Variants in LIN52 observed in about 807,000 individuals in gnomAD.
LIN52 encodes the protein lin-52 DREAM MuvB core complex component, also known as protein lin-52 homolog.
Under a neutral mutation model 18.5 loss-of-function variants are expected in LIN52, and 4 were observed. That is an observed-to-expected ratio of 0.22 (90% CI 0.11 to 0.49). The LOEUF is 0.49. Ranked by LOEUF, LIN52 falls within the 20% of genes least tolerant of loss-of-function variation. The probability of loss-of-function intolerance (pLI) is 0.97; values close to 1 mark genes in which losing one functional copy is unlikely to be tolerated. For missense variants in LIN52, 102 were observed against 139.5 expected (o/e 0.73, Z 1.35); for synonymous variants, 34 against 45.5 (o/e 0.75, Z 1.02).
chr14:74,161,217 C>T (rs1595179966), intron 5 of LIN52, among the ~76,000 whole-genome samples: 1 of 152,100 alleles, frequency 6.6e-6, no homozygotes, highest in South Asian at 2.1e-4. Context: ...GACAGAGTCT[C>T]ACTCTGTTGC....
intron 5 of LIN52, among the ~76,000 whole-genome samples, chr14:74,195,058 A>G (rs62006789): frequency 6.6e-6 from 1 of 151,956 alleles, no homozygotes; most frequent in African/African-American, 2.4e-5. Context: ...TGGCAGGAGA[A>G]TCACTTGAAC....
chr14:74,130,972 T>G (rs1022815735), intron 5 of LIN52, among the ~76,000 whole-genome samples: 1 of 151,864 alleles, frequency 6.6e-6, no homozygotes, highest in African/African-American at 2.4e-5. Flanking sequence ...TTTATTTATT[T>G]ATTGAGATAG....
intron 3 of LIN52, among the ~76,000 whole-genome samples, chr14:74,096,759 T>G (rs371827203): frequency 6.6e-6 from 1 of 152,154 alleles, no homozygotes; most frequent in Admixed American, 6.5e-5. Flanking sequence ...TAATTAAATA[T>G]AAAAAAAGAA....
chr14:74,099,350 C>T (rs1236007150), intron 4 of LIN52, among the ~76,000 whole-genome samples: 1 of 152,018 alleles, frequency 6.6e-6, no homozygotes, highest in Non-Finnish European at 1.5e-5. Context: ...ATGCAGATTC[C>T]CTCCTCCTGC....
intron 5 of LIN52, among the ~76,000 whole-genome samples, chr14:74,150,653 T>C (rs2139555105): frequency 6.6e-6 from 1 of 152,342 alleles, no homozygotes; most frequent in South Asian, 2.1e-4. Flanking sequence ...TCATATGTTA[T>C]ACTTTTTTAA....
intron 5 of LIN52, among the ~76,000 whole-genome samples, chr14:74,196,870 C>T (rs2078915653): frequency 6.6e-6 from 1 of 152,124 alleles, no homozygotes; most frequent in African/African-American, 2.4e-5. Flanking sequence ...GAGACTGAGG[C>T]TCAGAGATCT....
At chr14:74,111,866 A>AT (rs980182384) in intron 5 of LIN52, among the ~76,000 whole-genome samples, 4 of 148,016 alleles carry the variant, frequency 2.7e-5, no homozygotes, top group African/African-American at 9.9e-5. Context: ...ACTTGTTGTG[A>AT]TTTTTTTTCT....
intron 5 of LIN52, among the ~76,000 whole-genome samples, chr14:74,196,462 T>C (rs1448574590): frequency 6.6e-6 from 1 of 152,166 alleles, no homozygotes; most frequent in Non-Finnish European, 1.5e-5. Flanking sequence ...CTCTATTCTC[T>C]CCAGAAGACT....
intron 5 of LIN52, among the ~76,000 whole-genome samples, chr14:74,128,585 A>C (rs972915738): frequency 6.6e-6 from 1 of 152,188 alleles, no homozygotes; most frequent in Non-Finnish European, 1.5e-5. Context: ...AAACATACCA[A>C]ACTATACACT....
rs775121930 is a variant in LIN52, at chr14:74,091,199, G to C, written c.20-33G>C. ...TATCATATACATTAATGTGTTTCCT[G>C]TCTTCTTGGTTCATCTGGATGTTTT... is the stretch of plus-strand genomic sequence containing the variant. On this transcript the variant is annotated intron_variant, in intron 1 of 5. Coordinates refer to ENST00000555028, the MANE Select transcript of LIN52 (RefSeq NM_001024674.3). 8.0e-6 allele frequency: 12 copies of C among 1,505,196 alleles called. No individual in the cohort carries two copies. The Middle Eastern group carries it at 6.8e-4, about 85-fold the overall frequency. The allele number at this position is 1,505,196 out of a possible 1,614,324, so 93.2% of individuals were successfully genotyped here.
At chr14:74,180,231 C>G (rs1193014067) in intron 5 of LIN52, among the ~76,000 whole-genome samples, 1 of 150,820 alleles carries the variant, frequency 6.6e-6, no homozygotes, top group Non-Finnish European at 1.5e-5. Context: ...TCTTGGTGAG[C>G]AAACTTAAGC....
At chr14:74,190,328 C>T (rs2061358092) in intron 5 of LIN52, among the ~76,000 whole-genome samples, 1 of 141,072 alleles carries the variant, frequency 7.1e-6, no homozygotes, top group South Asian at 2.3e-4. Flanking sequence ...CCAGACTGTT[C>T]TTTTCTCAGG....
chr14:74,179,264 C>T (rs1321124249), intron 5 of LIN52, among the ~76,000 whole-genome samples: 1 of 152,030 alleles, frequency 6.6e-6, no homozygotes, highest in African/African-American at 2.4e-5. Context: ...AATTTATTGC[C>T]CAGGCTGTCT....
At chr14:74,108,266 A>G (rs952257489) in intron 5 of LIN52, among the ~76,000 whole-genome samples, 3 of 152,160 alleles carry the variant, frequency 2.0e-5, no homozygotes, top group African/African-American at 7.2e-5. Context: ...GTATTTATCT[A>G]CCTGGTGATG....
chr14:74,197,164 G>T (rs1348224153), intron 5 of LIN52, among the ~76,000 whole-genome samples: 1 of 152,172 alleles, frequency 6.6e-6, no homozygotes. Context: ...AGTCATATTT[G>T]TTAATGGAAA....
At chr14:74,110,842 T>C (rs1479820178) in intron 5 of LIN52, among the ~76,000 whole-genome samples, 2 of 148,952 alleles carry the variant, frequency 1.3e-5, no homozygotes, top group Non-Finnish European at 1.5e-5. Flanking sequence ...GGTGGGCACC[T>C]GTAGTCCCAG....
At chr14:74,114,174 TAGTG>T (rs758542910) in intron 5 of LIN52, 450 of 814,454 alleles carry the variant, frequency 5.5e-4, no homozygotes, top group Admixed American at 8.6e-4. Context: ...TAACTGAGAT[TAGTG>T]TGTGTGTGTG....
chr14:74,130,855 G>A (rs1391975134), intron 5 of LIN52, among the ~76,000 whole-genome samples: 1 of 151,756 alleles, frequency 6.6e-6, no homozygotes, highest in African/African-American at 2.4e-5. Flanking sequence ...CAAAGTGCTA[G>A]GATTACAGGC....
chr14:74,175,507 A>G (rs2061288826), intron 5 of LIN52, among the ~76,000 whole-genome samples: 1 of 151,616 alleles, frequency 6.6e-6, no homozygotes. Flanking sequence ...AGCCTGGGCA[A>G]TATAGCAAGA....
Sources: allele counts gnomAD v4.1 joint callset (sites outside exome capture counted in the v4.1 genomes callset), GRCh38; gene constraint gnomAD v4.1.1; transcripts MANE v1.5; gene names NCBI Gene and HGNC (gene_info 2026-07-23, HGNC 2026-07-21).